Variants in RPS6KA3 observed in about 807,000 individuals in gnomAD.
RPS6KA3 encodes the protein ribosomal protein S6 kinase A3, also known as ribosomal protein S6 kinase alpha-3.
A neutral mutation model predicts 67.2 loss-of-function variants in RPS6KA3; 4 were observed. That is an observed-to-expected ratio of 0.06 (90% CI 0.03 to 0.14). The LOEUF (loss-of-function observed/expected upper bound fraction) is 0.14. RPS6KA3 is among the 10% of genes least tolerant of loss of function. The pLI is 1.00. For synonymous variants in RPS6KA3, 182 were observed against 183.7 expected (o/e 0.99, Z 0.07); for missense variants, 204 against 559.0 (o/e 0.36, Z 6.40).
intron 4 of RPS6KA3, among the ~76,000 whole-genome samples, chrX:20,196,854 T>C (rs2068285587): frequency 8.9e-6 from 1 of 112,071 alleles, no homozygotes; most frequent in African/African-American, 3.2e-5. Context: ...ATGCCCCCTT[T>C]TTTTTGAGAT....
Position 20,193,494 on chromosome X carries a change from G to A in RPS6KA3, c.586C>T (p.Pro196Ser), listed in dbSNP as rs369498308. Residue 196 changes from proline to serine, a missense_variant, in exon 7 of 22, where the codon CCA becomes TCA. By Grantham distance (74) the Pro-to-Ser change is moderately conservative. Transcript: ENST00000379565. Reference sequence around the variant, plus strand: ...AGTAGCATGATTCCTTACTTTTCTGGTTTTAAGTCTCTATAAATTATTCCC... The same window carrying A: ...AGTAGCATGATTCCTTACTTTTCTGATTTTAAGTCTCTATAAATTATTCCC... The part of the protein sequence containing the change: ...SLGIIYRDLK[P>S]ENILLDEEGH... 1 of 1,116,476 alleles carries A rather than the reference G, an allele frequency of 9.0e-7. No individual in the cohort carries two copies. Among genetic ancestry groups the A allele is most frequent in the Non-Finnish European group, 1.2e-6 (1 of 810,772 alleles). 92.0% of individuals were successfully genotyped at this position (1,116,476 alleles called of 1,213,427 possible).
chrX:20,194,677 G>A (rs142606676), intron 5 of RPS6KA3, among the ~76,000 whole-genome samples: 28 of 110,731 alleles, frequency 2.5e-4, no homozygotes, highest in African/African-American at 8.5e-4. Context: ...ATATGGCTTC[G>A]GGGAAAAGAA....
At chrX:20,263,159 T>C (rs929822678) in intron 1 of RPS6KA3, among the ~76,000 whole-genome samples, 2 of 111,754 alleles carry the variant, frequency 1.8e-5, no homozygotes, top group Non-Finnish European at 3.8e-5. Flanking sequence ...AAAAATAACC[T>C]CCATAATTTT....
At chrX:20,234,452 G>A (rs1164590789) in intron 2 of RPS6KA3, among the ~76,000 whole-genome samples, 1 of 111,810 alleles carries the variant, frequency 8.9e-6, no homozygotes, top group Non-Finnish European at 1.9e-5. Context: ...TCCAGCCTGG[G>A]CGACAAGAAC....
chrX:20,254,724 A>C (rs906501779), intron 1 of RPS6KA3, among the ~76,000 whole-genome samples: 9 of 112,442 alleles, frequency 8.0e-5, no homozygotes, highest in Non-Finnish European at 1.5e-4. Context: ...AATGGACAAG[A>C]AGCACATGAA....
chrX:20,175,379 G>T, intron 13 of RPS6KA3, 91 bp from the exon 14 acceptor site: 2 of 950,858 alleles, frequency 2.1e-6, no homozygotes, highest in Non-Finnish European at 3.0e-6. Flanking sequence ...ACTTATTCTG[G>T]AATTCTATTT....
In RPS6KA3 at chrX:20,152,790, T is replaced by A. The variant is rs7051161; in HGVS notation, c.*2608A>T. ...TATAACTTGCTTTTCTCCAATAAAA[T>A]TGGCTGCTTGGCTAGGCAAAGAAGG... is the stretch of plus-strand genomic sequence containing the variant. On this transcript the variant is annotated 3_prime_UTR_variant, in exon 22 of 22. Coordinates refer to ENST00000379565, the MANE Select transcript of RPS6KA3 (RefSeq NM_004586.3). 0.27 allele frequency: 29,977 copies of A among 111,223 alleles called. 4,554 individuals are homozygous for A. Among genetic ancestry groups the A allele is most frequent in the African/African-American group, 0.58 (17,630 of 30,399 alleles). The allele number at this position is 111,223 out of a possible 1,213,427, so 9.2% of individuals were successfully genotyped here.
At chrX:20,265,878 A>G (rs2070364016) in intron 1 of RPS6KA3, 1 of 110,426 alleles carries the variant, frequency 9.1e-6, no homozygotes, top group Admixed American at 9.5e-5. Flanking sequence ...CTCCTTGAAT[A>G]TCACCCTCTC....
upstream of RPS6KA3, chrX:20,266,986 C>A (rs2070416617): frequency 1.3e-6 from 1 of 752,691 alleles, no homozygotes; most frequent in Non-Finnish European, 1.6e-6. Context: ...AGCAGAACAG[C>A]GACCGCCGCG....
At chrX:20,192,100 A>G (rs2068146272) in intron 7 of RPS6KA3, among the ~76,000 whole-genome samples, 1 of 111,941 alleles carries the variant, frequency 8.9e-6, no homozygotes, top group African/African-American at 3.2e-5. Context: ...ACAACTCAAT[A>G]AAGCTGTTTA....
At chrX:20,192,432 T>G (rs2148697439) in intron 7 of RPS6KA3, among the ~76,000 whole-genome samples, 1 of 106,753 alleles carries the variant, frequency 9.4e-6, no homozygotes, top group African/African-American at 3.4e-5. Flanking sequence ...AACTATAAAA[T>G]TAGAAGGAAA....
chrX:20,199,934 A>G (rs1035319293), intron 4 of RPS6KA3, among the ~76,000 whole-genome samples: 2 of 112,256 alleles, frequency 1.8e-5, no homozygotes, highest in Non-Finnish European at 3.8e-5. Context: ...AAACTAAGTG[A>G]CAGGCGGTAG....
rs193218053 is a variant in RPS6KA3 at position 20,242,875 on chromosome X, T to C, written c.70-8061A>G. 5.4e-5 allele frequency among the ~76,000 whole-genome samples: 6 copies of C among 111,172 alleles called. No homozygotes were observed. The East Asian group carries it at 1.4e-3, about 26-fold the overall frequency. ...AAATGGAACAAGATTGGCCATGAGT[T>C]TGATAATCCTTGAGGCTGGGTTATG... On this transcript the variant is annotated intron_variant, in intron 1 of 21. Transcript: ENST00000379565.
chrX:20,262,679 C>T (rs1375828535), intron 1 of RPS6KA3, among the ~76,000 whole-genome samples: 2 of 110,956 alleles, frequency 1.8e-5, no homozygotes, highest in African/African-American at 6.6e-5. Flanking sequence ...TGACAGTTGA[C>T]ATGTAACAAT....
chrX:20,222,857 T>C (rs984643380), intron 2 of RPS6KA3, among the ~76,000 whole-genome samples: 2 of 111,554 alleles, frequency 1.8e-5, no homozygotes, highest in Non-Finnish European at 3.8e-5. Flanking sequence ...ACTCCAAACT[T>C]CCCATCGTCT....
intron 20 of RPS6KA3, 71 bp downstream of exon 20, chrX:20,161,573 T>C: frequency 2.2e-6 from 1 of 456,739 alleles, no homozygotes; most frequent in South Asian, 3.0e-5. Context: ...TTCTAACTGG[T>C]AGTATTTCTT....
intron 18 of RPS6KA3, 100 bp from the exon 19 acceptor site, chrX:20,163,140 G>A: frequency 1.7e-6 from 1 of 573,659 alleles, no homozygotes; most frequent in Non-Finnish European, 3.1e-6. Flanking sequence ...CACCTATAAG[G>A]AAAATTTCAA....
At chrX:20,261,296 A>G (rs113129224) in intron 1 of RPS6KA3, among the ~76,000 whole-genome samples, 3,491 of 112,161 alleles carry the variant, frequency 0.031, 124 homozygotes, top group African/African-American at 0.1. Flanking sequence ...AGAATAGTTA[A>G]AAGAGAGGAT....
intron 4 of RPS6KA3, among the ~76,000 whole-genome samples, chrX:20,198,595 A>T (rs1307150512): frequency 8.9e-6 from 1 of 111,979 alleles, no homozygotes; most frequent in Non-Finnish European, 1.9e-5. Flanking sequence ...GTTCTTGTTT[A>T]AAAAGGGTGG....
Sources: allele counts gnomAD v4.1 joint callset (sites outside exome capture counted in the v4.1 genomes callset), GRCh38; gene constraint gnomAD v4.1.1; transcripts MANE v1.5; gene names NCBI Gene and HGNC (gene_info 2026-07-23, HGNC 2026-07-21).